The following SNRPN variants were observed in gnomAD, a reference collection of about 807,000 sequenced individuals.
The protein encoded by SNRPN is small nuclear ribonucleoprotein-associated protein N.
Under a neutral mutation model 25.2 loss-of-function variants are expected in SNRPN, and 7 were observed. The ratio of observed to expected loss-of-function variants is 0.28; its 90% CI spans 0.16 to 0.52. The LOEUF is 0.52. SNRPN is among the 20% of genes least tolerant of loss of function. SNRPN has a pLI of 0.96. For synonymous variants in SNRPN, 124 were observed against 110.6 expected, an observed-to-expected ratio of 1.12 and a Z score of -0.76; for missense variants, 196 against 322.5, an observed-to-expected ratio of 0.61 and a Z score of 3.00.
chr15:24,909,465 C>T, intron 2 of SNRPN: 2 of 1,583,006 alleles, frequency 1.3e-6, no homozygotes, highest in Non-Finnish European at 1.7e-6. Flanking sequence ...ACTTGGCCTT[C>T]ATAGATCTTG....
chr15:24,853,193 TTAAACA>T (rs2053041788), upstream of SNRPN, among the ~76,000 whole-genome samples: 1 of 152,164 alleles, frequency 6.6e-6, no homozygotes, highest in Non-Finnish European at 1.5e-5. Context: ...AGAACCAATG[TTAAACA>T]TTATCATTCA....
rs556853567 is a variant in SNRPN, at chr15:24,922,121, G to A, written c.-391+1997G>A. ...CCAGCTACTAGGGAGACTAAGGCAGGAGAATCGCTTGAACCTGGGAGGCGG... is the reference window on the plus strand; with the variant it reads ...CCAGCTACTAGGGAGACTAAGGCAGAAGAATCGCTTGAACCTGGGAGGCGG... On this transcript the variant is annotated intron_variant, in intron 3 of 11. Coordinates refer to the SNRPN transcript ENST00000400097. 3.9e-5 allele frequency among the ~76,000 whole-genome samples: 6 copies of A among 152,140 alleles called. No individual in the cohort carries two copies. The East Asian group carries it at 7.7e-4, about 20-fold the overall frequency.
rs1256720544 is a variant in SNRPN at position 24,900,902 on chromosome 15, T to A, written c.-505+14313T>A. ...ATGAGTCCATAAATTTAAGACCGGT[T>A]TGGGCAACATAAAGAGACCTTGTAT... On this transcript the variant is annotated intron_variant, in intron 2 of 11. Coordinates refer to the SNRPN transcript ENST00000400097. 2.0e-5 allele frequency among the ~76,000 whole-genome samples: 3 copies of A among 151,998 alleles called. No individual in the cohort carries two copies. The East Asian group carries it at 5.8e-4, about 29-fold the overall frequency.
intron 3 of SNRPN, among the ~76,000 whole-genome samples, chr15:24,947,560 G>A (rs1012966399): frequency 3.3e-5 from 5 of 152,154 alleles, no homozygotes; most frequent in African/African-American, 9.7e-5. Context: ...CCCGGGAGGC[G>A]GAGGTTGCAG....
intron 1 of SNRPN, among the ~76,000 whole-genome samples, chr15:24,961,464 A>G (rs1019875263): frequency 6.6e-6 from 1 of 152,116 alleles, no homozygotes; most frequent in East Asian, 1.9e-4. Flanking sequence ...AGTCCCTAAT[A>G]TGGCTAGTCT....
At chr15:24,906,644 G>C in intron 2 of SNRPN, among the ~76,000 whole-genome samples, 1 of 152,094 alleles carries the variant, frequency 6.6e-6, no homozygotes, top group South Asian at 2.1e-4. Context: ...CCCACTTCAG[G>C]GGGAAGAGGT....
At chr15:24,846,309 A>T (rs1049026015) in intron 2 of SNRPN, among the ~76,000 whole-genome samples, 104 of 152,290 alleles carry the variant, frequency 6.8e-4, no homozygotes, top group African/African-American at 2.4e-3. Flanking sequence ...CATTATCAGT[A>T]TAAAGGAAGT....
intron 3 of SNRPN, among the ~76,000 whole-genome samples, chr15:24,973,487 T>C (rs992443140): frequency 6.6e-6 from 1 of 152,108 alleles, no homozygotes; most frequent in African/African-American, 2.4e-5. Context: ...AACCTCTGCC[T>C]CCCAGGTTCA....
At chr15:24,878,499 T>A (rs532894863) in intron 1 of SNRPN, among the ~76,000 whole-genome samples, 2 of 152,352 alleles carry the variant, frequency 1.3e-5, no homozygotes, top group Non-Finnish European at 2.9e-5. Context: ...GAGGGTCTGT[T>A]CCGCTTATGG....
chr15:24,876,603 C>T (rs1476771217), intron 1 of SNRPN, among the ~76,000 whole-genome samples: 1 of 131,300 alleles, frequency 7.6e-6, no homozygotes, highest in Non-Finnish European at 1.5e-5. Flanking sequence ...GGCCACAGAG[C>T]GAGACTCCAT....
At chr15:24,864,339 C>CTTTTTTT (rs58622804) in intron 1 of SNRPN, among the ~76,000 whole-genome samples, 6 of 117,244 alleles carry the variant, frequency 5.1e-5, no homozygotes, top group East Asian at 2.7e-4. Context: ...CTCTTCTTTT[C>CTTTTTTT]TTTTTTTTTT....
chr15:24,922,919 G>T (rs7162600), intron 3 of SNRPN, among the ~76,000 whole-genome samples: 111,487 of 111,608 alleles, frequency 1, 55,683 homozygotes, highest in Middle Eastern at 1. Flanking sequence ...TTTTTTTTGG[G>T]AAGACAGAGT....
intron 8 of SNRPN, 49 bp downstream of exon 8, chr15:24,977,965 T>G (rs2077255882): frequency 6.7e-7 from 1 of 1,489,752 alleles, no homozygotes; most frequent in Non-Finnish European, 9.0e-7. Flanking sequence ...TGATGAGAGA[T>G]AGCTTACTGA....
chr15:24,862,720 A>G (rs1041313930), intron 1 of SNRPN, among the ~76,000 whole-genome samples: 17 of 150,854 alleles, frequency 1.1e-4, no homozygotes, highest in Admixed American at 6.6e-5. Flanking sequence ...CTCAGGGGAC[A>G]GGCATCAGGC....
chr15:24,911,665 C>T (rs116346464), intron 2 of SNRPN, among the ~76,000 whole-genome samples: 99 of 152,356 alleles, frequency 6.5e-4, no homozygotes, highest in Middle Eastern at 3.4e-3. Context: ...GCTGTGAAGG[C>T]ATGGCTTTCT....
chr15:24,863,475 G>C (rs2054209765), intron 1 of SNRPN, among the ~76,000 whole-genome samples: 1 of 150,488 alleles, frequency 6.6e-6, no homozygotes. Context: ...ATCTGTGTCT[G>C]CGTGTCCTCT....
At chr15:24,968,270 CTGTATTCCAGTTATTGTAGCGCATGCTTT>C in intron 3 of SNRPN, 188 bp downstream of exon 3, 3 of 489,160 alleles carry the variant, frequency 6.1e-6, no homozygotes, top group Non-Finnish European at 1.1e-5. Flanking sequence ...CGTCATGTTT[CTGTATTCCAGTTATTGTAGCGCATGCTTT>C]TCAGGTAGTT....
chr15:24,893,156 C>T (rs570024136), intron 2 of SNRPN, among the ~76,000 whole-genome samples: 16 of 151,978 alleles, frequency 1.1e-4, no homozygotes, highest in South Asian at 4.2e-4. Context: ...TGCAGTGAGC[C>T]GAAATCGAGC....
At chr15:24,973,396 A>G (rs2076681263) in intron 3 of SNRPN, among the ~76,000 whole-genome samples, 1 of 151,832 alleles carries the variant, frequency 6.6e-6, no homozygotes, top group African/African-American at 2.4e-5. Flanking sequence ...TGACTTATTT[A>G]TTTATTTTGA....
Sources: gnomAD v4.1 joint callset for allele counts (sites outside exome capture counted in the v4.1 genomes callset) on GRCh38, gnomAD v4.1.1 for gene constraint, MANE v1.5 for transcripts, NCBI Gene and HGNC (gene_info 2026-07-23, HGNC 2026-07-21) for gene names.